The following KDM2A variants were observed in gnomAD, a reference collection of about 807,000 sequenced individuals.
The protein encoded by KDM2A is lysine-specific demethylase 2A.
Under a neutral mutation model 137.3 loss-of-function variants are expected in KDM2A, and 3 were observed. That is an observed-to-expected ratio of 0.02 (90% CI 0.01 to 0.06). The LOEUF is 0.06. Among genes scored for constraint, KDM2A ranks in the 10% least tolerant of loss-of-function variants. The pLI, the probability that KDM2A is intolerant of heterozygous loss-of-function variation, is 1.00. For synonymous variants in KDM2A, 512 were observed against 541.5 expected, an observed-to-expected ratio of 0.95 and a Z score of 0.76; for missense variants, 738 against 1,510.6, an observed-to-expected ratio of 0.49 and a Z score of 8.48.
chr11:67,162,487 C>T (rs894527936), intron 2 of KDM2A, among the ~76,000 whole-genome samples: 2 of 152,130 alleles, frequency 1.3e-5, no homozygotes, highest in Non-Finnish European at 2.9e-5. Context: ...TCACTGCAAC[C>T]TTCATCTCCT....
At chr11:67,175,819 TA>T (rs1241826274) in intron 2 of KDM2A, among the ~76,000 whole-genome samples, 1 of 152,206 alleles carries the variant, frequency 6.6e-6, no homozygotes, top group Non-Finnish European at 1.5e-5. Flanking sequence ...GAGTGCTTTC[TA>T]AAAGTGATTC....
Position 67,248,801 on chromosome 11 carries a change from T to C in KDM2A, c.2055+431T>C, listed in dbSNP as rs191596356. Among the ~76,000 whole-genome samples, 256 of 152,330 alleles carry C rather than the reference T, an allele frequency of 1.7e-3. 3 individuals are homozygous for C. Among genetic ancestry groups the C allele is most frequent in the East Asian group, 1.4e-3 (7 of 5,180 alleles). On this transcript the variant is annotated intron_variant, in intron 16 of 20. Transcript: ENST00000529006. ...GTTCACATTTTTGTCATCTTCACTTTTGTGGCCTGGCAGAAAGCCCTGCCC... is the reference window on the plus strand; with the variant it reads ...GTTCACATTTTTGTCATCTTCACTTCTGTGGCCTGGCAGAAAGCCCTGCCC...
intron 10 of KDM2A, among the ~76,000 whole-genome samples, chr11:67,227,123 A>G (rs962910312): frequency 6.6e-6 from 1 of 152,222 alleles, no homozygotes; most frequent in Non-Finnish European, 1.5e-5. Context: ...TCTTTTGGGA[A>G]GAATGGAAAG....
chr11:67,190,375 A>C (rs1393424383), intron 5 of KDM2A, among the ~76,000 whole-genome samples: 1 of 152,068 alleles, frequency 6.6e-6, no homozygotes, highest in Non-Finnish European at 1.5e-5. Flanking sequence ...GCACCACTGC[A>C]CTCCAGCCTG....
intron 5 of KDM2A, chr11:67,196,308 C>A: frequency 2.2e-6 from 1 of 456,046 alleles, no homozygotes; most frequent in Non-Finnish European, 4.4e-6. Context: ...AGCAAGTGGG[C>A]CTATTACAGT....
intron 6 of KDM2A, among the ~76,000 whole-genome samples, chr11:67,209,132 C>A (rs1443168848): frequency 6.6e-6 from 1 of 151,806 alleles, no homozygotes; most frequent in Non-Finnish European, 1.5e-5. Context: ...GGGGTTTCAT[C>A]ATGTTGGCCA....
In KDM2A at chr11:67,245,622, G is replaced by A; in HGVS notation, c.1833+164G>A. 1 of 732,322 alleles carries A rather than the reference G, an allele frequency of 1.4e-6. No homozygotes were observed. Among genetic ancestry groups the A allele is most frequent in the Non-Finnish European group, 2.2e-6 (1 of 456,244 alleles). The allele number at this position is 732,322 out of a possible 1,614,324, so 45.4% of individuals were successfully genotyped here. A position where few individuals can be genotyped will look rare whatever the true frequency, so the allele number is the denominator to read the frequency against. On this transcript the variant is annotated intron_variant, in intron 14 of 20. Coordinates refer to ENST00000529006, the MANE Select transcript of KDM2A (RefSeq NM_012308.3). This position sits in a 1 kb window ranked among gnomAD's most constrained non-coding sequence, Gnocchi z 4.1. ...CTTTTTTCCCCAGGTTTAGATAGAA[G>A]GTATCTAGTACTAAAAATCCGATTT... is the stretch of plus-strand genomic sequence containing the variant.
At chr11:67,147,879 A>G (rs1856291869) in intron 2 of KDM2A, among the ~76,000 whole-genome samples, 1 of 151,840 alleles carries the variant, frequency 6.6e-6, no homozygotes, top group Admixed American at 6.6e-5. Flanking sequence ...AGGTTTTACC[A>G]TGTTGGCCAG....
chr11:67,132,068 C>T (rs1397206256), intron 2 of KDM2A: 1 of 152,148 alleles, frequency 6.6e-6, no homozygotes, highest in African/African-American at 2.4e-5. Context: ...TGAAGGCCTC[C>T]TTCAGGTAGG....
intron 11 of KDM2A, among the ~76,000 whole-genome samples, chr11:67,228,768 G>A (rs1339457276): frequency 6.6e-6 from 1 of 151,356 alleles, no homozygotes; most frequent in African/African-American, 2.4e-5. Flanking sequence ...ACAGGGCCTT[G>A]CCCTGTCGTC....
intron 12 of KDM2A, among the ~76,000 whole-genome samples, chr11:67,242,669 C>T (rs952259517): frequency 1.3e-5 from 2 of 152,116 alleles, no homozygotes; most frequent in East Asian, 3.9e-4. Flanking sequence ...GCTCCCCCAC[C>T]ACCACCATCC....
chr11:67,127,337 C>G (rs61891315), intron 2 of KDM2A, among the ~76,000 whole-genome samples: 1 of 151,950 alleles, frequency 6.6e-6, no homozygotes, highest in African/African-American at 2.4e-5. Flanking sequence ...TTTGCTCAGT[C>G]TGGTCTTGAA....
intron 8 of KDM2A, among the ~76,000 whole-genome samples, chr11:67,217,379 C>T (rs928602814): frequency 6.6e-6 from 1 of 152,112 alleles, no homozygotes; most frequent in African/African-American, 2.4e-5. Flanking sequence ...GAGCCAGTCT[C>T]TTGAAGATAC....
chr11:67,127,171 C>T (rs1442886878), intron 2 of KDM2A, among the ~76,000 whole-genome samples: 1 of 152,158 alleles, frequency 6.6e-6, no homozygotes, highest in East Asian at 1.9e-4. Flanking sequence ...GATCATTCCT[C>T]TTTGTAGCCT....
intron 5 of KDM2A, among the ~76,000 whole-genome samples, chr11:67,198,186 C>T (rs1200941914): frequency 6.6e-6 from 1 of 152,124 alleles, no homozygotes; most frequent in Non-Finnish European, 1.5e-5. Flanking sequence ...CAGTGTTGTT[C>T]AAGGATCAAC....
chr11:67,246,590 A>T (rs1859216229), intron 15 of KDM2A, among the ~76,000 whole-genome samples: 1 of 152,044 alleles, frequency 6.6e-6, no homozygotes, highest in East Asian at 1.9e-4. Flanking sequence ...AAAAAGTAAT[A>T]AAAAGTAATA....
chr11:67,247,082 T>A lies in KDM2A; in HGVS notation c.1965+966T>A, dbSNP rs1298715987. On this transcript the variant is annotated intron_variant, in intron 15 of 20. Transcript: ENST00000529006. ...ATATATATATATATATTTTTTTTTT[T>A]TTTTTTTTTTTTTTTTTTTTTTTGG... 6.2e-4 allele frequency among the ~76,000 whole-genome samples: 53 copies of A among 85,326 alleles called. No homozygotes were observed. In the East Asian group the frequency reaches 0.011, roughly 18 times the overall value. The allele number at this position is 85,326 out of a possible 152,430, so 56.0% of individuals were successfully genotyped here. A position where few individuals can be genotyped will look rare whatever the true frequency, so the allele number is the denominator to read the frequency against.
chr11:67,249,228 A>G (rs1384896714), intron 16 of KDM2A, among the ~76,000 whole-genome samples: 1 of 152,180 alleles, frequency 6.6e-6, no homozygotes, highest in African/African-American at 2.4e-5. Flanking sequence ...ATGTGTCTTC[A>G]TTAGTGATGT....
chr11:67,225,646 T>A (rs1426156432), intron 10 of KDM2A, among the ~76,000 whole-genome samples: 1 of 152,232 alleles, frequency 6.6e-6, no homozygotes, highest in African/African-American at 2.4e-5. Context: ...GGCGCATGCC[T>A]GTAATCCCAG....
Sources: allele counts gnomAD v4.1 joint callset (sites outside exome capture counted in the v4.1 genomes callset), GRCh38; gene constraint gnomAD v4.1.1; non-coding constraint Gnocchi (gnomAD v3.1); transcripts MANE v1.5; gene names NCBI Gene and HGNC (gene_info 2026-07-23, HGNC 2026-07-21).